The following NTN4 variants were observed in gnomAD, a reference collection of about 807,000 sequenced individuals.
NTN4 encodes the protein netrin-4.
Under a neutral mutation model 73.6 loss-of-function variants are expected in NTN4, and 32 were observed. That is an observed-to-expected ratio of 0.44 (90% CI 0.33 to 0.58). NTN4 has a LOEUF of 0.58. Ranked by LOEUF, NTN4 falls within the 20% of genes least tolerant of loss-of-function variation. The probability of loss-of-function intolerance (pLI) is 0.04; values close to 1 mark genes in which losing one functional copy is unlikely to be tolerated. For synonymous variants in NTN4, 258 were observed against 287.5 expected, an observed-to-expected ratio of 0.90 and a Z score of 1.04; for missense variants, 654 against 798.3, an observed-to-expected ratio of 0.82 and a Z score of 2.18.
Position 95,790,638 on chromosome 12 carries a change from G to C in NTN4, c.-329C>G. 5.2e-6 allele frequency: 1 copy of C among 193,040 alleles called. No homozygotes were observed. The highest frequency in any genetic ancestry group is 1.2e-4 in the East Asian group (1 of 8,176). 12.0% of individuals were successfully genotyped at this position (193,040 alleles called of 1,614,324 possible). A position where few individuals can be genotyped will look rare whatever the true frequency, so the allele number is the denominator to read the frequency against. On this transcript the variant is annotated 5_prime_UTR_variant, in exon 1 of 10. Transcript: ENST00000343702. This position sits in a 1 kb window ranked among gnomAD's most constrained non-coding sequence, Gnocchi z 6.5. ...GTCTGCCGCTAGCCCGGGGCTCGGC[G>C]CCCGCAGCCGCCGCTGAACTTTGCG...
At chr12:95,774,358 T>C (rs1176508559) in intron 2 of NTN4, among the ~76,000 whole-genome samples, 2 of 152,224 alleles carry the variant, frequency 1.3e-5, no homozygotes, top group Non-Finnish European at 2.9e-5. Flanking sequence ...AGAGTTAATA[T>C]TGGTGCTTAA....
rs1365871092 is a variant in NTN4 at position 95,790,264 on chromosome 12, C to G, written c.46G>C (p.Val16Leu). Reference sequence around the variant, plus strand: ...CCGCGTCACCACCCACCTGCGGCCACCACCGTGCAGCCCCAGAGCAGCAGC... The same window carrying G: ...CCGCGTCACCACCCACCTGCGGCCAGCACCGTGCAGCCCCAGAGCAGCAGC... ...RLLLLWGCTV[V>L]AAGLSGVAGV... The change falls in exon 1 of 10, where the codon GTG becomes CTG. Residue 16 changes from valine (V) to leucine (L), a missense_variant. By Grantham distance (32) the Val-to-Leu change is conservative. Transcript: ENST00000343702. The surrounding 1 kb of genome is among the most constrained non-coding windows in gnomAD (Gnocchi z 6.5). 1 of 1,536,590 alleles carries G rather than the reference C, an allele frequency of 6.5e-7. No individual in the cohort carries two copies. Among genetic ancestry groups the G allele is most frequent in the South Asian group, 1.2e-5 (1 of 82,570 alleles).
Position 95,679,705 on chromosome 12 carries a change from T to C in NTN4, c.1510+3002A>G, listed in dbSNP as rs76705020. 2.1e-3 allele frequency among the ~76,000 whole-genome samples: 314 copies of C among 152,328 alleles called. 1 individual carries two copies. The highest frequency in any genetic ancestry group is 7.2e-3 in the African/African-American group (298 of 41,570). On this transcript the variant is annotated intron_variant, in intron 7 of 9. Coordinates refer to ENST00000343702, the MANE Select transcript of NTN4 (RefSeq NM_021229.4). ...CTACATCCACAGTGCTGAATGTGAC[T>C]AGGGAAAACACACAACCATGCTGAT...
At chr12:95,726,969 CAA>C (rs35245187) in intron 3 of NTN4, among the ~76,000 whole-genome samples, 2 of 149,156 alleles carry the variant, frequency 1.3e-5, no homozygotes, top group Admixed American at 6.6e-5. Context: ...GACTCTGTCT[CAA>C]AAAAAAAAAA....
chr12:95,778,109 C>T (rs1237493154), intron 2 of NTN4, among the ~76,000 whole-genome samples: 2 of 152,092 alleles, frequency 1.3e-5, no homozygotes, highest in African/African-American at 2.4e-5. Flanking sequence ...TTCTTTGAAA[C>T]CAACGAGAAC....
At chr12:95,729,582 G>C (rs2078721135) in intron 3 of NTN4, among the ~76,000 whole-genome samples, 1 of 151,710 alleles carries the variant, frequency 6.6e-6, no homozygotes, top group Non-Finnish European at 1.5e-5. Flanking sequence ...AAATGGCTGT[G>C]GGTTTTTTTC....
chr12:95,718,387 GA>G (rs1268183513), intron 3 of NTN4, among the ~76,000 whole-genome samples: 2 of 152,202 alleles, frequency 1.3e-5, no homozygotes, highest in Admixed American at 1.3e-4. Context: ...GCTGTTCATT[GA>G]CAGCATCAAG....
chr12:95,790,200 T>A lies in NTN4; in HGVS notation c.55+55A>T, dbSNP rs554537104. ...TCCCCTGCACCCCCGAGTCCCGAGA[T>A]GGGTTAGAGAAGCAGCGAGGGAAGG... On this transcript the variant is annotated intron_variant, in intron 1 of 9. Coordinates refer to ENST00000343702, the MANE Select transcript of NTN4 (RefSeq NM_021229.4). This position sits in a 1 kb window ranked among gnomAD's most constrained non-coding sequence, Gnocchi z 6.5. 6.8e-7 allele frequency: 1 copy of A among 1,469,560 alleles called. No homozygotes were observed. The allele number at this position is 1,469,560 out of a possible 1,614,324, so 91.0% of individuals were successfully genotyped here. A position where few individuals can be genotyped will look rare whatever the true frequency, so the allele number is the denominator to read the frequency against.
chr12:95,685,731 T>C (rs1320543849), intron 5 of NTN4, among the ~76,000 whole-genome samples: 2 of 152,170 alleles, frequency 1.3e-5, no homozygotes, highest in Non-Finnish European at 2.9e-5. Context: ...ATACCTAGGC[T>C]CTCATCTCAG....
At chr12:95,696,853 C>A (rs750247471) in intron 5 of NTN4, among the ~76,000 whole-genome samples, 10 of 152,056 alleles carry the variant, frequency 6.6e-5, no homozygotes, top group Admixed American at 2.0e-4. Context: ...TCAGTCAGTC[C>A]AGCTTTATTA....
chr12:95,731,826 T>G (rs957842953), intron 3 of NTN4, among the ~76,000 whole-genome samples: 1 of 152,148 alleles, frequency 6.6e-6, no homozygotes, highest in African/African-American at 2.4e-5. Flanking sequence ...GTGAATGTAA[T>G]TGTGGCTCTA....
At chr12:95,668,659 G>A (rs1323463537) in intron 8 of NTN4, among the ~76,000 whole-genome samples, 1 of 152,184 alleles carries the variant, frequency 6.6e-6, no homozygotes, top group Non-Finnish European at 1.5e-5. Flanking sequence ...TCTCCTCATT[G>A]TAGTGTATAT....
intron 2 of NTN4, among the ~76,000 whole-genome samples, chr12:95,751,031 G>A (rs1005581268): frequency 2.0e-5 from 3 of 152,174 alleles, no homozygotes; most frequent in African/African-American, 7.2e-5. Flanking sequence ...ACCCAGCCCA[G>A]TTCATGGCTC....
intron 5 of NTN4, among the ~76,000 whole-genome samples, chr12:95,694,335 G>A (rs1456497710): frequency 1.3e-5 from 2 of 152,006 alleles, no homozygotes; most frequent in African/African-American, 4.8e-5. Context: ...CACTCCCTCC[G>A]CGCGGCCACT....
chr12:95,713,088 G>A, intron 4 of NTN4, 124 bp downstream of exon 4: 3 of 1,162,828 alleles, frequency 2.6e-6, no homozygotes, highest in Admixed American at 4.7e-5. Context: ...ATATGGCTAT[G>A]TTTGTGTAGG....
At chr12:95,713,017 TC>T (rs1352565698) in intron 4 of NTN4, among the ~76,000 whole-genome samples, 194 bp downstream of exon 4, 1 of 152,076 alleles carries the variant, frequency 6.6e-6, no homozygotes, top group Non-Finnish European at 1.5e-5. Flanking sequence ...GGCAAAACAG[TC>T]ACATTGGCAA....
chr12:95,685,019 G>A (rs371278744), intron 5 of NTN4, among the ~76,000 whole-genome samples: 50 of 152,158 alleles, frequency 3.3e-4, no homozygotes, highest in African/African-American at 1.0e-3. Context: ...ACAGGCACAC[G>A]CCACTACGCC....
chr12:95,712,570 A>G (rs188620681), intron 4 of NTN4, among the ~76,000 whole-genome samples: 1 of 152,268 alleles, frequency 6.6e-6, no homozygotes, highest in East Asian at 1.9e-4. Context: ...ATGAGAGTAC[A>G]ACAGAATCAG....
At chr12:95,718,842 G>C (rs186114645) in intron 3 of NTN4, among the ~76,000 whole-genome samples, 15 of 152,014 alleles carry the variant, frequency 9.9e-5, no homozygotes, top group Non-Finnish European at 2.1e-4. Flanking sequence ...TCTCTCTACT[G>C]CATGTTTCCC....
Sources: allele counts gnomAD v4.1 joint callset (sites outside exome capture counted in the v4.1 genomes callset), GRCh38; gene constraint gnomAD v4.1.1; non-coding constraint Gnocchi (gnomAD v3.1); transcripts MANE v1.5; gene names NCBI Gene and HGNC (gene_info 2026-07-23, HGNC 2026-07-21).